Variants in FYTTD1 observed in about 807,000 individuals in gnomAD.
The protein encoded by FYTTD1 is UAP56-interacting factor.
A neutral mutation model predicts 40.9 loss-of-function variants in FYTTD1; 22 were observed. That is an observed-to-expected ratio of 0.54 (90% CI 0.38 to 0.77). The LOEUF (loss-of-function observed/expected upper bound fraction) is 0.77. Ranked by LOEUF, FYTTD1 falls within the 30% of genes least tolerant of loss-of-function variation. FYTTD1 has a pLI of 0.00. For missense variants in FYTTD1, 351 were observed against 392.2 expected (o/e 0.90, Z 0.89); for synonymous variants, 140 against 137.9 (o/e 1.01, Z -0.10).
In FYTTD1 at chr3:197,784,279, A is replaced by G. The variant is rs948373084; in HGVS notation, c.*2370A>G. 6.6e-6 allele frequency: 1 copy of G among 152,230 alleles called. No homozygotes were observed. Among genetic ancestry groups the G allele is most frequent in the African/African-American group, 2.4e-5 (1 of 41,446 alleles). The allele number at this position is 152,230 out of a possible 1,614,324, so 9.4% of individuals were successfully genotyped here. On this transcript the variant is annotated 3_prime_UTR_variant, in exon 9 of 9. Transcript: ENST00000241502. Reference sequence around the variant, plus strand: ...AAGCTGTTCATTTTTAACAAATAAAATGTTACAGGTTTCACATGATTTATT... The same window carrying G: ...AAGCTGTTCATTTTTAACAAATAAAGTGTTACAGGTTTCACATGATTTATT...
chr3:197,752,383 A>G lies in FYTTD1; in HGVS notation c.103+2309A>G, dbSNP rs111796540. 5.7e-3 allele frequency among the ~76,000 whole-genome samples: 866 copies of G among 152,348 alleles called. 12 individuals carry two copies. The highest frequency in any genetic ancestry group is 0.02 in the African/African-American group (832 of 41,572). ...ACCACATAGGGTTGCTGAAAACATTAAATGAGTCAGAAGGCATATGTGAAC... is the reference window on the plus strand; with the variant it reads ...ACCACATAGGGTTGCTGAAAACATTGAATGAGTCAGAAGGCATATGTGAAC... On this transcript the variant is annotated intron_variant, in intron 1 of 8. Transcript: ENST00000241502.
At chr3:197,755,700 C>A (rs1007575828) in intron 1 of FYTTD1, 12 of 752,350 alleles carry the variant, frequency 1.6e-5, no homozygotes, top group South Asian at 4.0e-5. Context: ...GTTGGTCAGG[C>A]CAGTCCCGAA....
At position 197,784,209 on chromosome 3, in the gene FYTTD1, T is replaced by C. The variant is rs918790805; in HGVS notation, c.*2300T>C. ...TTTAACGAGGAGGTGCTTTACACTGTACTTTTTGGTGTTTTTTGGAAAAGT... is the reference window on the plus strand; with the variant it reads ...TTTAACGAGGAGGTGCTTTACACTGCACTTTTTGGTGTTTTTTGGAAAAGT... On this transcript the variant is annotated 3_prime_UTR_variant, in exon 9 of 9. Transcript: ENST00000241502. The C allele has an allele frequency of 1.3e-5, 2 of 152,640 alleles. No individual in the cohort carries two copies. The highest frequency in any genetic ancestry group is 4.8e-5 in the African/African-American group (2 of 41,460). 9.5% of individuals were successfully genotyped at this position (152,640 alleles called of 1,614,324 possible). A position where few individuals can be genotyped will look rare whatever the true frequency, so the allele number is the denominator to read the frequency against.
intron 1 of FYTTD1, chr3:197,755,907 A>G: frequency 8.2e-7 from 1 of 1,213,492 alleles, no homozygotes; most frequent in Non-Finnish European, 1.2e-6. Flanking sequence ...CGATTATGGG[A>G]AGTAGGTAGG....
rs372158604 is a variant in FYTTD1 at position 197,785,999 on chromosome 3, A to C, written c.*4090A>C. The stretch of plus-strand genomic sequence containing the variant: ...GCATTTACAACAAGAATTGTGGACT[A>C]TGGTGGACCATTAATAGGGATTTAA... On this transcript the variant is annotated 3_prime_UTR_variant, in exon 9 of 9. Coordinates refer to ENST00000241502, the MANE Select transcript of FYTTD1 (RefSeq NM_032288.7). 12 of 151,386 alleles carry C rather than the reference A, an allele frequency of 7.9e-5. No individual in the cohort carries two copies. The South Asian group carries it at 1.5e-3, about 18-fold the overall frequency. The allele number at this position is 151,386 out of a possible 1,614,324, so 9.4% of individuals were successfully genotyped here.
chr3:197,761,240 G>A (rs1729378638), intron 2 of FYTTD1, among the ~76,000 whole-genome samples: 1 of 152,000 alleles, frequency 6.6e-6, no homozygotes, highest in Non-Finnish European at 1.5e-5. Flanking sequence ...GTTCTTCAGT[G>A]GTAGAATGTA....
chr3:197,778,260 A>G lies in FYTTD1; in HGVS notation c.732-78A>G, dbSNP rs73892113. On this transcript the variant is annotated intron_variant, in intron 7 of 8. Transcript: ENST00000241502. ...CCTAATACATTTGAACATGTGTACAAGATGTCTTAAGTACCAAGTGAATTT... is the reference window on the plus strand; with the variant it reads ...CCTAATACATTTGAACATGTGTACAGGATGTCTTAAGTACCAAGTGAATTT... 9,459 of 1,164,162 alleles carry G rather than the reference A, an allele frequency of 8.1e-3. 591 individuals are homozygous for G. The African/African-American group carries it at 0.13, about 16-fold the overall frequency. 72.1% of individuals were successfully genotyped at this position (1,164,162 alleles called of 1,614,324 possible). A position where few individuals can be genotyped will look rare whatever the true frequency, so the allele number is the denominator to read the frequency against.
At chr3:197,757,583 T>G (rs1729247989) in intron 2 of FYTTD1, among the ~76,000 whole-genome samples, 1 of 152,178 alleles carries the variant, frequency 6.6e-6, no homozygotes, top group African/African-American at 2.4e-5. Context: ...GAGACCAGCT[T>G]GGGCAACACA....
chr3:197,769,616 CT>C (rs35651074), intron 3 of FYTTD1, among the ~76,000 whole-genome samples: 1 of 152,080 alleles, frequency 6.6e-6, no homozygotes, highest in African/African-American at 2.4e-5. Flanking sequence ...TTTTATGATA[CT>C]TTTCGCCTCT....
chr3:197,781,751 C>A, intron 8 of FYTTD1, 60 bp from the exon 9 acceptor site: 2 of 1,139,362 alleles, frequency 1.8e-6, no homozygotes, highest in Non-Finnish European at 2.6e-6. Flanking sequence ...GCAAATATGG[C>A]CTTCAGTAAA....
At chr3:197,767,270 C>T (rs1729578464) in intron 2 of FYTTD1, among the ~76,000 whole-genome samples, 1 of 151,994 alleles carries the variant, frequency 6.6e-6, no homozygotes, top group African/African-American at 2.4e-5. Context: ...TCCCGAGTAG[C>T]TGGGACTACA....
chr3:197,764,872 A>G (rs1321914679), intron 2 of FYTTD1, among the ~76,000 whole-genome samples: 3 of 146,990 alleles, frequency 2.0e-5, no homozygotes, highest in South Asian at 2.2e-4. Context: ...GGGGGGGAGG[A>G]TGGAGTCTTG....
chr3:197,750,727 C>T, intron 1 of FYTTD1: 1 of 985,442 alleles, frequency 1.0e-6, no homozygotes, highest in Non-Finnish European at 1.2e-6. Context: ...CCTAGAAAAG[C>T]ACAGTCTCCC....
chr3:197,763,839 A>C (rs910781639), intron 2 of FYTTD1, among the ~76,000 whole-genome samples: 2 of 152,202 alleles, frequency 1.3e-5, no homozygotes, highest in African/African-American at 2.4e-5. Flanking sequence ...TGTGGAAAGA[A>C]ATTCATGAAT....
At chr3:197,758,474 T>A (rs1729275220) in intron 2 of FYTTD1, among the ~76,000 whole-genome samples, 1 of 152,144 alleles carries the variant, frequency 6.6e-6, no homozygotes, top group Admixed American at 6.5e-5. Flanking sequence ...AAAGGTAGTG[T>A]GGGAGAAATG....
intron 1 of FYTTD1, chr3:197,750,482 T>G: frequency 1.0e-6 from 1 of 990,306 alleles, no homozygotes; most frequent in Non-Finnish European, 1.2e-6. Flanking sequence ...GCGAGGGGAA[T>G]GGTCCGACCG....
rs2109059890 is a variant in FYTTD1 at position 197,785,840 on chromosome 3, T to TATG, written c.*3933_*3934insGAT. ...TTTCAGTTTTCATCAGAATTATTATTATTATTATTATTTTGCCACTGTGAA... is the reference window on the plus strand; with the variant it reads ...TTTCAGTTTTCATCAGAATTATTATTATGATTATTATTATTTTGCCACTGTGAA... On this transcript the variant is annotated 3_prime_UTR_variant, in exon 9 of 9. Transcript: ENST00000241502. The TATG allele has an allele frequency of 6.6e-6, 1 of 152,044 alleles. No homozygotes were observed. Among genetic ancestry groups the TATG allele is most frequent in the East Asian group, 1.9e-4 (1 of 5,186 alleles). The allele number at this position is 152,044 out of a possible 1,614,324, so 9.4% of individuals were successfully genotyped here. A position where few individuals can be genotyped will look rare whatever the true frequency, so the allele number is the denominator to read the frequency against.
intron 4 of FYTTD1, among the ~76,000 whole-genome samples, chr3:197,771,776 C>A (rs369918593): frequency 6.3e-3 from 420 of 66,164 alleles, no homozygotes; most frequent in African/African-American, 0.014. Flanking sequence ...GACTCCGTCT[C>A]AAAAAAAAAA....
In FYTTD1 at chr3:197,787,093, C is replaced by G. The variant is rs1730169437; in HGVS notation, c.*5184C>G. ...GGATTACAGGTGTGAGCCACCACGCCCGCCCTAAAAGTGGATTCTTTTTTT... is the reference window on the plus strand; with the variant it reads ...GGATTACAGGTGTGAGCCACCACGCGCGCCCTAAAAGTGGATTCTTTTTTT... On this transcript the variant is annotated 3_prime_UTR_variant, in exon 9 of 9. Transcript: ENST00000241502. 6.6e-6 allele frequency: 1 copy of G among 151,730 alleles called. No homozygotes were observed. Among genetic ancestry groups the G allele is most frequent in the African/African-American group, 2.4e-5 (1 of 41,062 alleles). The allele number at this position is 151,730 out of a possible 1,614,324, so 9.4% of individuals were successfully genotyped here.
Sources: gnomAD v4.1 joint callset for allele counts (sites outside exome capture counted in the v4.1 genomes callset) on GRCh38, gnomAD v4.1.1 for gene constraint, MANE v1.5 for transcripts, NCBI Gene and HGNC (gene_info 2026-07-23, HGNC 2026-07-21) for gene names.